Variants in PARD3B observed in about 807,000 individuals in gnomAD.
The protein encoded by PARD3B is partitioning defective 3 homolog B.
PARD3B carries 103 observed loss-of-function variants against 130.2 expected under a neutral mutation model. The observed-to-expected ratio is 0.79, with a 90% CI of 0.67 to 0.93. The LOEUF is 0.93. Ranked by LOEUF, PARD3B falls within the 40% of genes least tolerant of loss-of-function variation. The pLI, the probability that PARD3B is intolerant of heterozygous loss-of-function variation, is 0.00. For synonymous variants in PARD3B, 583 were observed against 553.2 expected (o/e 1.05, Z -0.76); for missense variants, 1,609 against 1,499.2 (o/e 1.07, Z -1.21).
chr2:205,002,328 A>C (rs1414450349), intron 3 of PARD3B, among the ~76,000 whole-genome samples: 1 of 152,218 alleles, frequency 6.6e-6, no homozygotes, highest in Non-Finnish European at 1.5e-5. Flanking sequence ...CAGACAGACC[A>C]CATCATTGAA....
chr2:204,790,331 CCTAA>C lies in PARD3B; in HGVS notation c.222+104052_222+104055del, dbSNP rs1300297071. ...CTAGTCTTGAGTACCTGGAATTCTG[CCTAA>C]CTGTTTCATGAAGAGGGGTTTTTTA... On this transcript the variant is annotated intron_variant, in intron 2 of 22. Transcript: ENST00000406610. 3.9e-5 allele frequency among the ~76,000 whole-genome samples: 6 copies of C among 152,174 alleles called. 1 individual carries two copies. Among genetic ancestry groups the C allele is most frequent in the African/African-American group, 1.4e-4 (6 of 41,440 alleles).
intron 1 of PARD3B, among the ~76,000 whole-genome samples, chr2:204,548,851 C>A (rs1204639474): frequency 6.6e-6 from 1 of 151,948 alleles, no homozygotes; most frequent in African/African-American, 2.4e-5. Flanking sequence ...TCTTAGACAT[C>A]CAGGTGGCGA....
chr2:205,151,945 AG>A (rs1290599379), intron 10 of PARD3B, among the ~76,000 whole-genome samples: 2 of 152,124 alleles, frequency 1.3e-5, no homozygotes. Flanking sequence ...AGCTGTTGTA[AG>A]GCAGGCCCGG....
intron 2 of PARD3B, among the ~76,000 whole-genome samples, chr2:204,923,537 T>A (rs1231384972): frequency 6.6e-6 from 1 of 152,028 alleles, no homozygotes; most frequent in Admixed American, 6.6e-5. Context: ...TAGATATATG[T>A]GCAGTACATC....
chr2:204,789,764 T>C (rs746741189), intron 2 of PARD3B, among the ~76,000 whole-genome samples: 5 of 152,202 alleles, frequency 3.3e-5, no homozygotes, highest in Non-Finnish European at 7.3e-5. Flanking sequence ...CTCCATATCA[T>C]TACACATGTT....
At chr2:205,139,066 A>G (rs2032727360) in intron 10 of PARD3B, among the ~76,000 whole-genome samples, 1 of 152,220 alleles carries the variant, frequency 6.6e-6, no homozygotes, top group South Asian at 2.1e-4. Context: ...ATGGTTAACT[A>G]TAACCCATCC....
rs2031323696 is a variant in PARD3B, at chr2:205,125,809, T to G, written c.1434+72T>G. The G allele has an allele frequency of 7.8e-6, 12 of 1,538,762 alleles. No individual in the cohort carries two copies. The highest frequency in any genetic ancestry group is 1.4e-5 in the African/African-American group (1 of 72,718). On this transcript the variant is annotated intron_variant, in intron 10 of 22. Coordinates refer to ENST00000406610, the MANE Select transcript of PARD3B (RefSeq NM_001302769.2). This position sits in a 1 kb window ranked among gnomAD's most constrained non-coding sequence, Gnocchi z 4.0. ...ATACACTCAATGAACTCATTATAGC[T>G]GAGAAACGAGTTCTAAATCACAGGC...
chr2:205,096,449 C>T (rs1472508144), intron 4 of PARD3B, among the ~76,000 whole-genome samples: 1 of 152,090 alleles, frequency 6.6e-6, no homozygotes, highest in East Asian at 1.9e-4. Context: ...TGCAGACACA[C>T]CAGATGAAGA....
intron 4 of PARD3B, among the ~76,000 whole-genome samples, chr2:205,079,169 A>G (rs1271976090): frequency 6.6e-6 from 1 of 152,250 alleles, no homozygotes; most frequent in Non-Finnish European, 1.5e-5. Flanking sequence ...AGTAGGTTCA[A>G]TACATTGCAT....
At chr2:205,056,816 TAAAG>T (rs1272373344) in intron 4 of PARD3B, among the ~76,000 whole-genome samples, 1 of 151,842 alleles carries the variant, frequency 6.6e-6, no homozygotes, top group Non-Finnish European at 1.5e-5. Flanking sequence ...TTGATTTACT[TAAAG>T]AAATTGTCTC....
At chr2:205,331,071 G>T (rs543066712) in intron 18 of PARD3B, among the ~76,000 whole-genome samples, 2 of 152,038 alleles carry the variant, frequency 1.3e-5, no homozygotes, top group Non-Finnish European at 2.9e-5. Flanking sequence ...GGCGAAAAAG[G>T]CAGCCTCCCT....
chr2:205,533,819 C>T lies in PARD3B; in HGVS notation c.3181-19505C>T, dbSNP rs113790232. On this transcript the variant is annotated intron_variant, in intron 21 of 22. Transcript: ENST00000406610. Reference sequence around the variant, plus strand: ...AACAGGTCACTGCAGCCTCAACCTCCGGGGCTCAAGCAATCCTTCCACCTC... The same window carrying T: ...AACAGGTCACTGCAGCCTCAACCTCTGGGGCTCAAGCAATCCTTCCACCTC... Among the ~76,000 whole-genome samples the T allele has an allele frequency of 5.6e-3, 850 of 152,160 alleles. 6 individuals carry two copies. Among genetic ancestry groups the T allele is most frequent in the African/African-American group, 0.019 (804 of 41,512 alleles).
intron 10 of PARD3B, among the ~76,000 whole-genome samples, chr2:205,157,345 G>A (rs1468649506): frequency 6.6e-6 from 1 of 152,152 alleles, no homozygotes; most frequent in African/African-American, 2.4e-5. Context: ...TGAGTTAGCT[G>A]AAAGAGCTAA....
chr2:205,264,881 A>G (rs980294345), intron 16 of PARD3B, among the ~76,000 whole-genome samples: 5 of 151,140 alleles, frequency 3.3e-5, no homozygotes, highest in African/African-American at 9.7e-5. Context: ...ACACATACAT[A>G]TAAATTACAG....
At chr2:205,483,829 G>GGAA (rs1473253156) in intron 20 of PARD3B, among the ~76,000 whole-genome samples, 2 of 151,918 alleles carry the variant, frequency 1.3e-5, no homozygotes, top group African/African-American at 4.8e-5. Flanking sequence ...TTGGAAGGGG[G>GGAA]GAAGCTTCTA....
intron 11 of PARD3B, among the ~76,000 whole-genome samples, chr2:205,170,509 G>T (rs2035098718): frequency 6.6e-6 from 1 of 152,092 alleles, no homozygotes; most frequent in Non-Finnish European, 1.5e-5. Context: ...TCCCCGAGTG[G>T]GTGTGTCCTC....
At chr2:205,141,816 C>G (rs1313445825) in intron 10 of PARD3B, among the ~76,000 whole-genome samples, 1 of 152,122 alleles carries the variant, frequency 6.6e-6, no homozygotes, top group Non-Finnish European at 1.5e-5. Context: ...CACTACCAGT[C>G]TATAAGATGG....
chr2:204,574,243 C>T (rs1256370068), intron 1 of PARD3B, among the ~76,000 whole-genome samples: 3 of 152,176 alleles, frequency 2.0e-5, no homozygotes, highest in African/African-American at 7.2e-5. Context: ...CTATTAATTT[C>T]CTAACTTTAT....
At chr2:204,788,211 G>A (rs1190944912) in intron 2 of PARD3B, among the ~76,000 whole-genome samples, 18 of 152,186 alleles carry the variant, frequency 1.2e-4, no homozygotes, top group Admixed American at 1.2e-3. Flanking sequence ...ACCCTTAACA[G>A]GGAAAGTGGC....
Sources: gnomAD v4.1 joint callset for allele counts (sites outside exome capture counted in the v4.1 genomes callset) on GRCh38, gnomAD v4.1.1 for gene constraint, Gnocchi (gnomAD v3.1) non-coding constraint, MANE v1.5 for transcripts, NCBI Gene and HGNC (gene_info 2026-07-23, HGNC 2026-07-21) for gene names.